The following PPM1H variants were observed in gnomAD, a reference collection of about 807,000 sequenced individuals.
The protein encoded by PPM1H is protein phosphatase, Mg2+/Mn2+ dependent 1H, also known as protein phosphatase 1H.
In PPM1H, 27 loss-of-function variants were observed where a neutral mutation model predicts 54.9. The ratio of observed to expected loss-of-function variants is 0.49; its 90% CI spans 0.36 to 0.68. The LOEUF is 0.68. PPM1H is among the 30% of genes least tolerant of loss of function. PPM1H has a pLI of 0.00. For synonymous variants in PPM1H, 305 were observed against 270.8 expected (o/e 1.13, Z -1.24); for missense variants, 596 against 667.8 (o/e 0.89, Z 1.19).
chr12:62,717,474 A>G (rs143690263), intron 6 of PPM1H, among the ~76,000 whole-genome samples: 67 of 152,142 alleles, frequency 4.4e-4, no homozygotes, highest in Admixed American at 3.7e-3. Flanking sequence ...AGAGAGAGAG[A>G]GAAAGAGAAG....
At chr12:62,723,733 G>A (rs1479469288) in intron 5 of PPM1H, among the ~76,000 whole-genome samples, 1 of 152,138 alleles carries the variant, frequency 6.6e-6, no homozygotes, top group Non-Finnish European at 1.5e-5. Context: ...GACAGACTAA[G>A]GCTGTGTGTG....
At chr12:62,709,141 C>T (rs1366398885) in intron 6 of PPM1H, among the ~76,000 whole-genome samples, 1 of 152,184 alleles carries the variant, frequency 6.6e-6, no homozygotes, top group Non-Finnish European at 1.5e-5. Context: ...TGACATGTCA[C>T]TTATGTGAGC....
At chr12:62,692,359 G>A (rs1035607192) in intron 7 of PPM1H, among the ~76,000 whole-genome samples, 33 of 152,264 alleles carry the variant, frequency 2.2e-4, no homozygotes, top group African/African-American at 7.5e-4. Context: ...TTGGTGAATT[G>A]AACTTTATAC....
chr12:62,779,335 C>T (rs1182050599), intron 4 of PPM1H, among the ~76,000 whole-genome samples: 2 of 152,222 alleles, frequency 1.3e-5, no homozygotes, highest in Non-Finnish European at 2.9e-5. Context: ...GCGTGAGCCA[C>T]TGCACAGGGC....
intron 1 of PPM1H, among the ~76,000 whole-genome samples, chr12:62,902,753 C>A (rs1199137614): frequency 6.6e-6 from 1 of 152,180 alleles, no homozygotes; most frequent in African/African-American, 2.4e-5. Flanking sequence ...CTGGCATATA[C>A]TGAAGGACTC....
intron 2 of PPM1H, among the ~76,000 whole-genome samples, chr12:62,822,344 G>A (rs974250010): frequency 6.6e-6 from 1 of 152,136 alleles, no homozygotes; most frequent in Non-Finnish European, 1.5e-5. Flanking sequence ...TTAGATCAAT[G>A]AGACAGAAGG....
At chr12:62,793,637 T>C (rs2120721177) in intron 3 of PPM1H, among the ~76,000 whole-genome samples, 1 of 151,280 alleles carries the variant, frequency 6.6e-6, no homozygotes, top group African/African-American at 2.4e-5. Context: ...GGCAGGAGAA[T>C]TGCTTGAACC....
chr12:62,877,678 G>A (rs1430447259), intron 1 of PPM1H, among the ~76,000 whole-genome samples: 2 of 152,120 alleles, frequency 1.3e-5, no homozygotes, highest in African/African-American at 4.8e-5. Flanking sequence ...CGGACTGCTT[G>A]CAATCTTAAA....
intron 1 of PPM1H, among the ~76,000 whole-genome samples, chr12:62,933,111 G>A (rs1186401955): frequency 6.6e-6 from 1 of 151,920 alleles, no homozygotes; most frequent in African/African-American, 2.4e-5. Flanking sequence ...GTTCTCTTCC[G>A]TGCTCATCTT....
chr12:62,668,367 T>C (rs1226274401), intron 8 of PPM1H, among the ~76,000 whole-genome samples: 1 of 152,212 alleles, frequency 6.6e-6, no homozygotes. Flanking sequence ...CCTCCCTTAT[T>C]ACTCTATTTT....
At chr12:62,781,629 C>G (rs1207843909) in intron 4 of PPM1H, among the ~76,000 whole-genome samples, 1 of 152,218 alleles carries the variant, frequency 6.6e-6, no homozygotes, top group Non-Finnish European at 1.5e-5. Flanking sequence ...TGAGTTTCAG[C>G]GAGCAGTGAT....
At chr12:62,837,782 C>T (rs1868547546) in intron 1 of PPM1H, among the ~76,000 whole-genome samples, 1 of 152,194 alleles carries the variant, frequency 6.6e-6, no homozygotes, top group Non-Finnish European at 1.5e-5. Context: ...AAGCTAGCTG[C>T]CTCTTCTGTC....
At chr12:62,787,117 T>C (rs997854893) in intron 4 of PPM1H, among the ~76,000 whole-genome samples, 9 of 152,134 alleles carry the variant, frequency 5.9e-5, no homozygotes, top group Admixed American at 4.6e-4. Context: ...AAGTCTGCTT[T>C]GTAAATGGAA....
intron 8 of PPM1H, among the ~76,000 whole-genome samples, chr12:62,682,326 CT>C (rs2076023032): frequency 6.6e-6 from 1 of 152,152 alleles, no homozygotes; most frequent in Non-Finnish European, 1.5e-5. Flanking sequence ...AATATTGTTT[CT>C]TATGAATGGG....
chr12:62,726,601 G>C (rs377309763), intron 5 of PPM1H, among the ~76,000 whole-genome samples: 4 of 152,172 alleles, frequency 2.6e-5, no homozygotes, highest in South Asian at 2.1e-4. Flanking sequence ...GCAGAGCAGG[G>C]GCCTGGCTCC....
chr12:62,733,909 G>A (rs184832362), intron 5 of PPM1H, among the ~76,000 whole-genome samples: 20 of 152,194 alleles, frequency 1.3e-4, no homozygotes, highest in African/African-American at 4.8e-4. Flanking sequence ...AAATAAAAAC[G>A]AGGAAAAAAA....
chr12:62,801,318 TTTTA>T (rs1397913913), intron 3 of PPM1H, among the ~76,000 whole-genome samples: 2 of 147,792 alleles, frequency 1.4e-5, no homozygotes, highest in Non-Finnish European at 3.0e-5. Context: ...TTTCATCTTC[TTTTA>T]CTTTTTTTTT....
At chr12:62,695,908 C>A (rs1019071968) in intron 6 of PPM1H, among the ~76,000 whole-genome samples, 13 of 152,012 alleles carry the variant, frequency 8.6e-5, no homozygotes, top group African/African-American at 2.9e-4. Context: ...GGAGACAGGC[C>A]CGCACAGAGA....
chr12:62,715,725 G>A (rs757641700), intron 6 of PPM1H, among the ~76,000 whole-genome samples: 1 of 152,120 alleles, frequency 6.6e-6, no homozygotes, highest in African/African-American at 2.4e-5. Flanking sequence ...ATGAGAGCAG[G>A]CAATTTTTCT....
Sources: allele counts gnomAD v4.1 joint callset (sites outside exome capture counted in the v4.1 genomes callset), GRCh38; gene constraint gnomAD v4.1.1; transcripts MANE v1.5; gene names NCBI Gene and HGNC (gene_info 2026-07-23, HGNC 2026-07-21).